The following ESCO2 variants were observed in gnomAD, a reference collection of about 807,000 sequenced individuals.
ESCO2 encodes the protein establishment of sister chromatid cohesion N-acetyltransferase 2.
In ESCO2, 51 loss-of-function variants were observed where a neutral mutation model predicts 61.7. That is an observed-to-expected ratio of 0.83 (90% CI 0.66 to 1.04). The LOEUF (loss-of-function observed/expected upper bound fraction) is 1.04, where lower values mean the gene tolerates loss of function less well. Ranked by LOEUF, ESCO2 falls within the 50% of genes least tolerant of loss-of-function variation. The pLI is 0.00. For synonymous variants in ESCO2, 230 were observed against 238.2 expected, an observed-to-expected ratio of 0.97 and a Z score of 0.32; for missense variants, 692 against 686.2, an observed-to-expected ratio of 1.01 and a Z score of -0.09.
downstream of ESCO2, chr8:27,811,008 A>T (rs1805669134): frequency 6.2e-7 from 1 of 1,612,694 alleles, no homozygotes; most frequent in Non-Finnish European, 8.5e-7. Context: ...CGATAAAGTC[A>T]TCATTTCCCA....
chr8:27,787,554 A>G (rs1033081202), intron 5 of ESCO2, among the ~76,000 whole-genome samples: 1 of 152,178 alleles, frequency 6.6e-6, no homozygotes, highest in Non-Finnish European at 1.5e-5. Context: ...GATAAAGCAA[A>G]AAAATCTTTT....
chr8:27,792,582 A>G (rs183851604), intron 8 of ESCO2, 86 bp from the exon 9 acceptor site: 451 of 1,348,688 alleles, frequency 3.3e-4, no homozygotes, highest in South Asian at 1.3e-3. Flanking sequence ...AAGTAACAGT[A>G]ATCATACATT....
Position 27,776,659 on chromosome 8 carries a change from A to C in ESCO2, c.351A>C (p.Lys117Asn), listed in dbSNP as rs139322666. The change falls in exon 3 of 11, where the codon AAA becomes AAC. Residue 117 changes from lysine (K) to asparagine (N), a missense_variant. Physicochemically the swap from Lys to Asn is moderately conservative, Grantham distance 94. Transcript: ENST00000305188. ...GTCTAAAAACTAATGATGAAGATAAATCTTTTCCCATTGTGACAGAAAAAA... is the reference window on the plus strand; with the variant it reads ...GTCTAAAAACTAATGATGAAGATAACTCTTTTCCCATTGTGACAGAAAAAA... ...STCLKTNDED[K>N]SFPIVTEKMQ... The C allele has an allele frequency of 6.2e-7, 1 of 1,613,792 alleles. No individual in the cohort carries two copies. The highest frequency in any genetic ancestry group is 1.3e-5 in the African/African-American group (1 of 74,902).
chr8:27,808,187 T>C (rs1341005241), downstream of ESCO2: 2 of 1,190,240 alleles, frequency 1.7e-6, no homozygotes, highest in African/African-American at 3.2e-5. Flanking sequence ...TTTATTCTAA[T>C]CAACAGATTG....
At chr8:27,815,791 G>A (rs950359254), downstream of ESCO2, among the ~76,000 whole-genome samples, 14 of 152,174 alleles carry the variant, frequency 9.2e-5, no homozygotes, top group African/African-American at 2.7e-4. Flanking sequence ...ATAATAGCAT[G>A]TGACATAGTG....
chr8:27,813,003 A>G (rs560887670), downstream of ESCO2, among the ~76,000 whole-genome samples: 17 of 152,338 alleles, frequency 1.1e-4, 1 homozygote, highest in Middle Eastern at 3.4e-3. Flanking sequence ...TCATGCTACT[A>G]TAAAGACACA....
chr8:27,802,814 T>A (rs143939197), intron 10 of ESCO2, among the ~76,000 whole-genome samples: 11,492 of 150,150 alleles, frequency 0.077, 639 homozygotes, highest in South Asian at 0.15. Context: ...TGGCGAGATA[T>A]CGGCTCACTG....
upstream of ESCO2, chr8:27,772,368 T>A: frequency 1.3e-6 from 1 of 750,240 alleles, no homozygotes; most frequent in Non-Finnish European, 2.3e-6. Context: ...GGGACGGATG[T>A]GCTGGGGGAC....
intron 7 of ESCO2, 118 bp downstream of exon 7, chr8:27,789,096 C>T: frequency 8.0e-7 from 1 of 1,244,008 alleles, no homozygotes; most frequent in Non-Finnish European, 1.1e-6. Context: ...ATGTTTCAAG[C>T]TTACTATCTC....
In ESCO2 at chr8:27,776,516, T is replaced by G; in HGVS notation, c.208T>G (p.Ser70Ala). The G allele has an allele frequency of 6.2e-7, 1 of 1,614,020 alleles. No individual in the cohort carries two copies. Among genetic ancestry groups the G allele is most frequent in the Non-Finnish European group, 8.5e-7 (1 of 1,179,986 alleles). The change falls in exon 3 of 11, where the codon TCA (serine) becomes GCA (alanine). Residue 70 changes from serine (S) to alanine (A), a missense_variant. Coordinates refer to ENST00000305188, the MANE Select transcript of ESCO2 (RefSeq NM_001017420.3). Reference protein sequence around the residue: ...LKTTEINRLPSANQGSPFKSA... With the variant: ...LKTTEINRLPAANQGSPFKSA... ...AACAACTGAAATAAATAGACTGCCATCAGCAAATCAAGGCTCACCATTTAA... is the reference window on the plus strand; with the variant it reads ...AACAACTGAAATAAATAGACTGCCAGCAGCAAATCAAGGCTCACCATTTAA...
intron 9 of ESCO2, among the ~76,000 whole-genome samples, chr8:27,797,714 A>G (rs1006315307): frequency 2.6e-5 from 4 of 152,114 alleles, no homozygotes; most frequent in African/African-American, 4.8e-5. Context: ...TGTATCTACT[A>G]TAGGTTTTCG....
chr8:27,795,251 A>G (rs1306974598), intron 9 of ESCO2, among the ~76,000 whole-genome samples: 2 of 152,136 alleles, frequency 1.3e-5, no homozygotes, highest in Admixed American at 6.5e-5. Context: ...GGTTAAATGT[A>G]TTCATAAGTG....
At chr8:27,798,555 C>T (rs949140420) in intron 9 of ESCO2, among the ~76,000 whole-genome samples, 2 of 151,974 alleles carry the variant, frequency 1.3e-5, no homozygotes, top group Non-Finnish European at 2.9e-5. Flanking sequence ...GATGTACACA[C>T]AAAAACCTGT....
Position 27,802,641 on chromosome 8 carries a change from ATATATATATATATAT to A in ESCO2, c.1674-649_1674-635del, listed in dbSNP as rs1339076180. ...AAAAAAAAAAAAAAAATATATATAT[ATATATATATATATAT>A]TATATATATATATATATAGTTACTG... On this transcript the variant is annotated intron_variant, in intron 10 of 10. Transcript: ENST00000305188. Among the ~76,000 whole-genome samples, 453 of 71,460 alleles carry A rather than the reference ATATATATATATATAT, an allele frequency of 6.3e-3. 11 individuals carry two copies. Among genetic ancestry groups the A allele is most frequent in the African/African-American group, 0.013 (215 of 16,450 alleles). 46.9% of individuals were successfully genotyped at this position (71,460 alleles called of 152,430 possible).
downstream of ESCO2, among the ~76,000 whole-genome samples, chr8:27,807,228 A>T (rs1031076377): frequency 4.6e-5 from 7 of 152,286 alleles, no homozygotes; most frequent in South Asian, 1.2e-3. Context: ...ACTATTAAAT[A>T]TAAGGTTTAT....
At chr8:27,775,197 T>A (rs1364407285) in intron 1 of ESCO2, among the ~76,000 whole-genome samples, 1 of 152,202 alleles carries the variant, frequency 6.6e-6, no homozygotes, top group Non-Finnish European at 1.5e-5. Flanking sequence ...AGGACTGTGC[T>A]TCACCCGTTT....
downstream of ESCO2, among the ~76,000 whole-genome samples, chr8:27,815,484 C>T (rs76209742): frequency 2.6e-3 from 397 of 152,292 alleles, 7 homozygotes; most frequent in African/African-American, 9.1e-3. Context: ...TTCCCCTATA[C>T]TGTACCTTAT....
At chr8:27,800,424 G>C (rs1585410187) in intron 10 of ESCO2, among the ~76,000 whole-genome samples, 1 of 152,180 alleles carries the variant, frequency 6.6e-6, no homozygotes, top group East Asian at 1.9e-4. Context: ...ACCATAGTGA[G>C]ATCCCACTTT....
chr8:27,783,348 C>T (rs1443523958), intron 4 of ESCO2, among the ~76,000 whole-genome samples: 3 of 152,120 alleles, frequency 2.0e-5, no homozygotes, highest in Non-Finnish European at 4.4e-5. Flanking sequence ...CATAAGCATT[C>T]TTTATATATT....
Sources: gnomAD v4.1 joint callset for allele counts (sites outside exome capture counted in the v4.1 genomes callset) on GRCh38, gnomAD v4.1.1 for gene constraint, MANE v1.5 for transcripts, NCBI Gene and HGNC (gene_info 2026-07-23, HGNC 2026-07-21) for gene names.